MARCHF10: variants seen among roughly 807,000 people sequenced by gnomAD.
MARCHF10 encodes the protein probable E3 ubiquitin-protein ligase MARCHF10.
MARCHF10 carries 64 observed loss-of-function variants against 76.2 expected under a neutral mutation model. That is an observed-to-expected ratio of 0.84 (90% CI 0.69 to 1.03). MARCHF10 has a LOEUF of 1.03. Ranked by LOEUF, MARCHF10 falls within the 50% of genes least tolerant of loss-of-function variation. The probability of loss-of-function intolerance (pLI) is 0.00; values close to 1 mark genes in which losing one functional copy is unlikely to be tolerated. For missense variants in MARCHF10, 875 were observed against 958.0 expected (o/e 0.91, Z 1.14); for synonymous variants, 340 against 357.5 (o/e 0.95, Z 0.55).
intron 4 of MARCHF10, among the ~76,000 whole-genome samples, chr17:62,748,405 AAAACAAAC>A (rs147656820): frequency 1.2e-4 from 17 of 147,774 alleles, no homozygotes; most frequent in East Asian, 1.0e-3. Flanking sequence ...CTCCATCTCA[AAAACAAAC>A]AAACAAACAA....
intron 4 of MARCHF10, among the ~76,000 whole-genome samples, chr17:62,754,313 T>C: frequency 6.6e-6 from 1 of 152,214 alleles, no homozygotes; most frequent in Non-Finnish European, 1.5e-5. Flanking sequence ...CCTCAGGTGA[T>C]CCGCTTGCCT....
chr17:62,710,615 G>GTGGCACAATC (rs2089877370), intron 9 of MARCHF10, among the ~76,000 whole-genome samples: 1 of 139,594 alleles, frequency 7.2e-6, no homozygotes, highest in South Asian at 2.2e-4. Context: ...CTGGAGTGCA[G>GTGGCACAATC]TGGCACAATC....
At chr17:62,790,939 C>T (rs1014634163) in intron 2 of MARCHF10, among the ~76,000 whole-genome samples, 1 of 152,182 alleles carries the variant, frequency 6.6e-6, no homozygotes, top group Non-Finnish European at 1.5e-5. Flanking sequence ...GAGAGAGATG[C>T]AGCTTCACTC....
At position 62,711,640 on chromosome 17, in the gene MARCHF10, G is replaced by A. The variant is rs148596873; in HGVS notation, c.2215-296C>T. Among the ~76,000 whole-genome samples, 798 of 152,312 alleles carry A rather than the reference G, an allele frequency of 5.2e-3. 2 individuals carry two copies. The highest frequency in any genetic ancestry group is 9.0e-3 in the Admixed American group (138 of 15,304). Reference sequence around the variant, plus strand: ...TGAGCAGTTACATATGCAAAGCCTTGAGCTGGATGTTGTGGGGAACACAGG... The same window carrying A: ...TGAGCAGTTACATATGCAAAGCCTTAAGCTGGATGTTGTGGGGAACACAGG... On this transcript the variant is annotated intron_variant, in intron 8 of 10. Transcript: ENST00000311269. The surrounding 1 kb of genome is among the most constrained non-coding windows in gnomAD (Gnocchi z 4.4).
At chr17:62,773,763 G>A (rs1166804936) in intron 3 of MARCHF10, among the ~76,000 whole-genome samples, 3 of 152,168 alleles carry the variant, frequency 2.0e-5, no homozygotes, top group African/African-American at 7.2e-5. Flanking sequence ...AGGAGGGCGT[G>A]AAGATTAGGG....
intron 10 of MARCHF10, among the ~76,000 whole-genome samples, chr17:62,703,865 G>T (rs1321344702): frequency 6.6e-6 from 1 of 152,206 alleles, no homozygotes; most frequent in African/African-American, 2.4e-5. Flanking sequence ...CGGGGCTCAA[G>T]GCCAGGGTGC....
intron 9 of MARCHF10, among the ~76,000 whole-genome samples, chr17:62,708,452 G>A (rs1015146530): frequency 2.0e-5 from 3 of 152,110 alleles, no homozygotes; most frequent in Non-Finnish European, 4.4e-5. Context: ...CACCGTGTTA[G>A]CCAGGATGGT....
chr17:62,757,801 T>A (rs1373559403), intron 4 of MARCHF10, among the ~76,000 whole-genome samples: 1 of 152,322 alleles, frequency 6.6e-6, no homozygotes, highest in East Asian at 1.9e-4. Context: ...GAAATAGATA[T>A]CTTTCTGCCA....
Position 62,786,039 on chromosome 17 carries a change from C to G in MARCHF10, c.210+2441G>C, listed in dbSNP as rs543930149. On this transcript the variant is annotated intron_variant, in intron 3 of 10. Coordinates refer to ENST00000311269, the MANE Select transcript of MARCHF10 (RefSeq NM_152598.4). ...CAGTGATCCCGTTACTGGGTATATACCCAAAGGATTATAAATCATGCTACT... is the reference window on the plus strand; with the variant it reads ...CAGTGATCCCGTTACTGGGTATATAGCCAAAGGATTATAAATCATGCTACT... 1.1e-4 allele frequency among the ~76,000 whole-genome samples: 16 copies of G among 152,212 alleles called. 1 individual carries two copies. The highest frequency in any genetic ancestry group is 8.5e-4 in the Admixed American group (13 of 15,286).
rs372541719 is a variant in MARCHF10, at chr17:62,744,483, A to T, written c.428T>A (p.Leu143Gln). ...MVLLRKRKPNLRRFTVSPESH... is the reference protein window; with the variant it reads ...MVLLRKRKPNQRRFTVSPESH... ...TTCTGGGCTGACTGTAAATCTCCTC[A>T]GGTTTGGCTTCCTCTTTCTTAATAA... The change falls in exon 5 of 11, where the codon CTG becomes CAG. Residue 143 changes from leucine (L) to glutamine (Q), a missense_variant. Physicochemically the swap from Leu to Gln is moderately radical, Grantham distance 113. Transcript: ENST00000311269. 19 of 1,613,988 alleles carry T rather than the reference A, an allele frequency of 1.2e-5. No homozygotes were observed. Among genetic ancestry groups the T allele is most frequent in the Non-Finnish European group, 1.6e-5 (19 of 1,180,030 alleles).
intron 3 of MARCHF10, among the ~76,000 whole-genome samples, chr17:62,763,982 CTG>C (rs1159996464): frequency 2.0e-5 from 3 of 152,112 alleles, no homozygotes; most frequent in Non-Finnish European, 4.4e-5. Context: ...AAGGCCCACA[CTG>C]AGGAGAGAAG....
chr17:62,716,778 A>G (rs12602916), intron 8 of MARCHF10, among the ~76,000 whole-genome samples: 61,469 of 151,926 alleles, frequency 0.4, 12,669 homozygotes, highest in African/African-American at 0.49. Context: ...GAACCAGGCT[A>G]AGCTGAAGCC....
intron 3 of MARCHF10, among the ~76,000 whole-genome samples, chr17:62,770,045 G>A (rs2092413067): frequency 6.6e-6 from 1 of 152,176 alleles, no homozygotes; most frequent in African/African-American, 2.4e-5. Flanking sequence ...GTAGTCCACA[G>A]TATCTGTTGT....
At chr17:62,791,426 A>G (rs1225778658) in intron 2 of MARCHF10, among the ~76,000 whole-genome samples, 3 of 152,236 alleles carry the variant, frequency 2.0e-5, no homozygotes, top group African/African-American at 7.2e-5. Context: ...GATGAACAGA[A>G]TTCTTGTGGG....
chr17:62,774,266 G>A (rs2092505336), intron 3 of MARCHF10, among the ~76,000 whole-genome samples: 1 of 152,172 alleles, frequency 6.6e-6, no homozygotes, highest in African/African-American at 2.4e-5. Context: ...GGGCACTTGA[G>A]GAACTCGGGA....
chr17:62,788,673 T>C lies in MARCHF10; in HGVS notation c.91-74A>G, dbSNP rs2092787113. ...TGGGTAACTTTATGCTTAACTCCAATGGTGAGGAGCATGAAATAAATGATA... is the reference window on the plus strand; with the variant it reads ...TGGGTAACTTTATGCTTAACTCCAACGGTGAGGAGCATGAAATAAATGATA... On this transcript the variant is annotated intron_variant, in intron 2 of 10. Transcript: ENST00000311269. The C allele has an allele frequency of 2.3e-5, 37 of 1,585,356 alleles. No individual in the cohort carries two copies. The South Asian group carries it at 3.5e-4, about 15-fold the overall frequency.
At chr17:62,798,732 C>T (rs1033533054) in intron 2 of MARCHF10, among the ~76,000 whole-genome samples, 1 of 152,148 alleles carries the variant, frequency 6.6e-6, no homozygotes, top group Non-Finnish European at 1.5e-5. Flanking sequence ...GAGAAGGACA[C>T]GATGTCTACA....
intron 3 of MARCHF10, among the ~76,000 whole-genome samples, chr17:62,761,401 AC>A (rs2092197154): frequency 6.6e-6 from 1 of 152,166 alleles, no homozygotes; most frequent in Non-Finnish European, 1.5e-5. Flanking sequence ...CAAAGATGAA[AC>A]ATTAGGTCAT....
chr17:62,730,183 C>T (rs1369973131), intron 6 of MARCHF10, among the ~76,000 whole-genome samples: 5 of 151,484 alleles, frequency 3.3e-5, no homozygotes, highest in Admixed American at 3.3e-4. Flanking sequence ...GAGACTTCGT[C>T]TCAAAAAGAA....
Sources: allele counts gnomAD v4.1 joint callset (sites outside exome capture counted in the v4.1 genomes callset), GRCh38; gene constraint gnomAD v4.1.1; non-coding constraint Gnocchi (gnomAD v3.1); transcripts MANE v1.5; gene names NCBI Gene and HGNC (gene_info 2026-07-23, HGNC 2026-07-21).